The following PIK3AP1 variants were observed in gnomAD, a reference collection of about 807,000 sequenced individuals.
PIK3AP1 encodes phosphoinositide-3-kinase adaptor protein 1, also known as phosphoinositide 3-kinase adapter protein 1.
A neutral mutation model predicts 88.1 loss-of-function variants in PIK3AP1; 21 were observed. That is an observed-to-expected ratio of 0.24 (90% confidence interval 0.17 to 0.34). The LOEUF is 0.34. Ranked by LOEUF, PIK3AP1 falls within the 10% of genes least tolerant of loss-of-function variation. The probability of loss-of-function intolerance (pLI) is 1.00; values close to 1 mark genes in which losing one functional copy is unlikely to be tolerated. For synonymous variants in PIK3AP1, 398 were observed against 400.0 expected (o/e 1.00, Z 0.06); for missense variants, 828 against 1,035.7 (o/e 0.80, Z 2.75).
rs575222873 is a variant in PIK3AP1, at chr10:96,608,196, T to G, written c.2170+1516A>C. ...GCATTTCTCTTGTTAAATTTCCAGC[T>G]GTCACTCTCCTTCCCCACCCTGGGA... On this transcript the variant is annotated intron_variant, in intron 14 of 16. Transcript: ENST00000339364. Among the ~76,000 whole-genome samples, 64 of 152,364 alleles carry G rather than the reference T, an allele frequency of 4.2e-4. No homozygotes were observed. In the South Asian group the frequency reaches 9.3e-3, roughly 22 times the overall value.
At chr10:96,608,401 AC>A (rs535739507) in intron 14 of PIK3AP1, among the ~76,000 whole-genome samples, 44 of 151,858 alleles carry the variant, frequency 2.9e-4, no homozygotes, top group Middle Eastern at 3.4e-3. Context: ...ACAAATGATC[AC>A]CCCCATTATG....
chr10:96,651,701 C>A, intron 4 of PIK3AP1, 50 bp from the exon 5 acceptor site: 1 of 1,597,472 alleles, frequency 6.3e-7, no homozygotes, highest in Non-Finnish European at 8.5e-7. Flanking sequence ...AACAAGCATC[C>A]AGGGAAAAGT....
chr10:96,626,551 ATCTG>A (rs1843155874), intron 10 of PIK3AP1, among the ~76,000 whole-genome samples, 153 bp downstream of exon 10: 1 of 152,224 alleles, frequency 6.6e-6, no homozygotes, highest in Admixed American at 6.5e-5. Flanking sequence ...TAGCTCCAGA[ATCTG>A]TCCCAAGATA....
chr10:96,691,854 C>CA (rs939504675), intron 2 of PIK3AP1, among the ~76,000 whole-genome samples: 6 of 152,008 alleles, frequency 3.9e-5, no homozygotes, highest in Non-Finnish European at 8.8e-5. Flanking sequence ...TATTTACTAA[C>CA]AAAAAAATGC....
At chr10:96,620,794 T>G in intron 11 of PIK3AP1, 1 of 482,492 alleles carries the variant, frequency 2.1e-6, no homozygotes, top group Non-Finnish European at 3.7e-6. Flanking sequence ...AGGCGTGAAA[T>G]CTGCTGACTC....
At chr10:96,598,208 T>A (rs1848816098) in intron 16 of PIK3AP1, among the ~76,000 whole-genome samples, 1 of 151,990 alleles carries the variant, frequency 6.6e-6, no homozygotes, top group Admixed American at 6.6e-5. Context: ...CACACCTGGC[T>A]AATTTTTTTT....
chr10:96,674,066 T>A (rs1168729201), intron 2 of PIK3AP1, among the ~76,000 whole-genome samples: 1 of 151,696 alleles, frequency 6.6e-6, no homozygotes, highest in South Asian at 2.1e-4. Context: ...GAGGTGGGGG[T>A]GTGATGCTTC....
intron 2 of PIK3AP1, among the ~76,000 whole-genome samples, chr10:96,667,667 G>A (rs556989445): frequency 1.5e-4 from 22 of 151,660 alleles, no homozygotes; most frequent in Admixed American, 2.6e-4. Flanking sequence ...AGTGTACAGC[G>A]TCAAGTTGGA....
At chr10:96,628,816 G>A (rs118087712) in intron 8 of PIK3AP1, among the ~76,000 whole-genome samples, 8,050 of 142,820 alleles carry the variant, frequency 0.056, 282 homozygotes, top group Non-Finnish European at 0.085. Flanking sequence ...ATGGAAGCAG[G>A]AATACATTGT....
chr10:96,603,457 C>G (rs762502174), intron 15 of PIK3AP1, among the ~76,000 whole-genome samples: 7 of 152,176 alleles, frequency 4.6e-5, no homozygotes, highest in African/African-American at 9.7e-5. Context: ...ATCTAGTCAG[C>G]TGCCAGCCAA....
At chr10:96,627,386 T>C (rs1473472388) in intron 9 of PIK3AP1, among the ~76,000 whole-genome samples, 1 of 152,188 alleles carries the variant, frequency 6.6e-6, no homozygotes, top group Non-Finnish European at 1.5e-5. Context: ...ATCCAAATAG[T>C]AAATATTTCA....
intron 1 of PIK3AP1, among the ~76,000 whole-genome samples, chr10:96,716,913 G>T (rs1013895802): frequency 9.2e-5 from 14 of 152,150 alleles, no homozygotes; most frequent in Non-Finnish European, 1.8e-4. Context: ...TAGCAGCAGG[G>T]AGTCCATGGG....
intron 8 of PIK3AP1, among the ~76,000 whole-genome samples, chr10:96,634,254 G>T (rs911715773): frequency 5.3e-5 from 8 of 152,226 alleles, no homozygotes; most frequent in Non-Finnish European, 1.2e-4. Flanking sequence ...AAAGGTGCAG[G>T]GAGGAGAGAG....
chr10:96,640,786 T>C (rs1198332722), intron 8 of PIK3AP1, among the ~76,000 whole-genome samples: 1 of 151,594 alleles, frequency 6.6e-6, no homozygotes, highest in Non-Finnish European at 1.5e-5. Flanking sequence ...GCCTCCTGAG[T>C]AGCTGGGACC....
chr10:96,634,571 G>C (rs1034468906), intron 8 of PIK3AP1, among the ~76,000 whole-genome samples: 3 of 152,192 alleles, frequency 2.0e-5, no homozygotes, highest in Admixed American at 2.0e-4. Context: ...ATCTCCATCT[G>C]TAAAGTGAGG....
chr10:96,641,302 C>A (rs1843386428), intron 8 of PIK3AP1, among the ~76,000 whole-genome samples: 1 of 152,148 alleles, frequency 6.6e-6, no homozygotes, highest in East Asian at 1.9e-4. Flanking sequence ...TTTGGAGAAG[C>A]AACCTCATTA....
At chr10:96,692,171 A>G (rs1844162919) in intron 2 of PIK3AP1, among the ~76,000 whole-genome samples, 1 of 152,272 alleles carries the variant, frequency 6.6e-6, no homozygotes, top group South Asian at 2.1e-4. Context: ...TCAAAATCAA[A>G]TAAGATCACA....
At chr10:96,705,196 T>A (rs1283415033) in intron 2 of PIK3AP1, among the ~76,000 whole-genome samples, 1 of 152,198 alleles carries the variant, frequency 6.6e-6, no homozygotes, top group African/African-American at 2.4e-5. Flanking sequence ...GACCAGTATT[T>A]CTTCAGTTGG....
intron 8 of PIK3AP1, among the ~76,000 whole-genome samples, chr10:96,630,457 T>C (rs958424742): frequency 1.3e-5 from 2 of 152,182 alleles, no homozygotes; most frequent in Non-Finnish European, 2.9e-5. Flanking sequence ...CTTTAAAAAT[T>C]CAAGACCAGA....
Sources: gnomAD v4.1 joint callset for allele counts (sites outside exome capture counted in the v4.1 genomes callset) on GRCh38, gnomAD v4.1.1 for gene constraint, MANE v1.5 for transcripts, NCBI Gene and HGNC (gene_info 2026-07-23, HGNC 2026-07-21) for gene names.